The following KLHDC2 variants were observed in gnomAD, a reference collection of about 807,000 sequenced individuals.
KLHDC2 encodes the protein kelch domain containing 2.
KLHDC2 carries 38 observed loss-of-function variants against 62.3 expected under a neutral mutation model. That is an observed-to-expected ratio of 0.61 (90% CI 0.47 to 0.80). The LOEUF (loss-of-function observed/expected upper bound fraction) is 0.80, where lower values mean the gene tolerates loss of function less well. Ranked by LOEUF, KLHDC2 falls within the 30% of genes least tolerant of loss-of-function variation. The pLI, the probability that KLHDC2 is intolerant of heterozygous loss-of-function variation, is 0.00. For missense variants in KLHDC2, 430 were observed against 495.3 expected, an observed-to-expected ratio of 0.87 and a Z score of 1.25; for synonymous variants, 159 against 161.0, an observed-to-expected ratio of 0.99 and a Z score of 0.09.
intron 3 of KLHDC2, chr14:49,774,953 C>A: frequency 5.5e-6 from 2 of 362,778 alleles, no homozygotes; most frequent in Non-Finnish European, 9.9e-6. Context: ...CTCTTAGAAC[C>A]TTAAATGTTA....
chr14:49,770,947 A>G (rs1246439704), intron 1 of KLHDC2, among the ~76,000 whole-genome samples: 21 of 152,232 alleles, frequency 1.4e-4, no homozygotes, highest in Admixed American at 1.4e-3. Context: ...TGGATCAGGC[A>G]CTTTCAGTAA....
At position 49,785,575 on chromosome 14, in the gene KLHDC2, T is replaced by TAC. The variant is rs148985928; in HGVS notation, c.*2624_*2625dup. On this transcript the variant is annotated 3_prime_UTR_variant, in exon 13 of 13. Coordinates refer to ENST00000298307, the MANE Select transcript of KLHDC2 (RefSeq NM_014315.3). Reference sequence around the variant, plus strand: ...GAACAATAATTTTCAAAATCCTACCTACAGTTACATTTAAGAGAAAGAAGG... The same window carrying TAC: ...GAACAATAATTTTCAAAATCCTACCTACACAGTTACATTTAAGAGAAAGAAGG... 1,780 of 381,536 alleles carry TAC rather than the reference T, an allele frequency of 4.7e-3. 29 individuals are homozygous for TAC. The highest frequency in any genetic ancestry group is 0.033 in the African/African-American group (1,586 of 48,632). 23.6% of individuals were successfully genotyped at this position (381,536 alleles called of 1,614,324 possible).
chr14:49,780,816 T>TAA, intron 10 of KLHDC2, 41 bp downstream of exon 10: 2 of 1,082,910 alleles, frequency 1.8e-6, no homozygotes, highest in Admixed American at 3.4e-5. Context: ...GCATAAGACA[T>TAA]AAGAATTGAG....
At chr14:49,774,093 T>G (rs1224493802) in intron 2 of KLHDC2, among the ~76,000 whole-genome samples, 1 of 152,222 alleles carries the variant, frequency 6.6e-6, no homozygotes, top group East Asian at 1.9e-4. Context: ...ACTACCTGTT[T>G]GTAGTGTTAC....
At chr14:49,781,318 G>T (rs1889895518) in intron 10 of KLHDC2, among the ~76,000 whole-genome samples, 1 of 141,942 alleles carries the variant, frequency 7.0e-6, no homozygotes, top group Non-Finnish European at 1.5e-5. Context: ...GCAGTGAGCT[G>T]AGATCGTGCC....
rs1173634285 is a variant in KLHDC2 at position 49,785,316 on chromosome 14, T to C, written c.*2363T>C. The C allele has an allele frequency of 6.2e-7, 1 of 1,612,652 alleles. No individual in the cohort carries two copies. Among genetic ancestry groups the C allele is most frequent in the Admixed American group, 1.7e-5 (1 of 59,958 alleles). ...CTGGCCTGTCAAAGAATCAAATAGGTTTTCCTAAAAAGGGAAAATAACAGT... is the reference window on the plus strand; with the variant it reads ...CTGGCCTGTCAAAGAATCAAATAGGCTTTCCTAAAAAGGGAAAATAACAGT... On this transcript the variant is annotated 3_prime_UTR_variant, in exon 13 of 13. Coordinates refer to ENST00000298307, the MANE Select transcript of KLHDC2 (RefSeq NM_014315.3).
chr14:49,779,495 G>A, intron 6 of KLHDC2, 100 bp from the exon 7 acceptor site: 1 of 813,436 alleles, frequency 1.2e-6, no homozygotes, highest in Middle Eastern at 3.3e-4. Context: ...ACTTTTAAAA[G>A]CTCAAGTGCC....
At chr14:49,782,659 C>A (rs1031344212) in intron 12 of KLHDC2, 65 bp downstream of exon 12, 3 of 1,409,122 alleles carry the variant, frequency 2.1e-6, no homozygotes, top group Admixed American at 2.2e-5. Flanking sequence ...TTAGCACTCT[C>A]GAAAAACTAG....
chr14:49,777,167 T>C (rs1163962860), intron 3 of KLHDC2, among the ~76,000 whole-genome samples: 1 of 152,174 alleles, frequency 6.6e-6, no homozygotes, highest in East Asian at 1.9e-4. Context: ...AAACACCATA[T>C]GTTCTCACTC....
chr14:49,775,575 T>C (rs1889753355), intron 3 of KLHDC2, among the ~76,000 whole-genome samples: 1 of 146,776 alleles, frequency 6.8e-6, no homozygotes, highest in Non-Finnish European at 1.5e-5. Flanking sequence ...AATAATAAAA[T>C]TGGAAGGAGT....
intron 3 of KLHDC2, 185 bp from the exon 4 acceptor site, chr14:49,777,654 G>C: frequency 4.5e-6 from 2 of 446,064 alleles, no homozygotes; most frequent in African/African-American, 2.0e-5. Flanking sequence ...TAGTGACTTA[G>C]GAAGTTGGTA....
In KLHDC2 at chr14:49,784,807, C is replaced by G; in HGVS notation, c.*1854C>G. The G allele has an allele frequency of 7.1e-7, 1 of 1,414,270 alleles. No homozygotes were observed. Among genetic ancestry groups the G allele is most frequent in the Admixed American group, 1.8e-5 (1 of 54,668 alleles). The allele number at this position is 1,414,270 out of a possible 1,614,324, so 87.6% of individuals were successfully genotyped here. A position where few individuals can be genotyped will look rare whatever the true frequency, so the allele number is the denominator to read the frequency against. On this transcript the variant is annotated 3_prime_UTR_variant, in exon 13 of 13. Coordinates refer to ENST00000298307, the MANE Select transcript of KLHDC2 (RefSeq NM_014315.3). ...ACGAAAAACATTTCCAAACTTTTAGCTGAGATGGTTTTACTGCTTCTAATA... is the reference window on the plus strand; with the variant it reads ...ACGAAAAACATTTCCAAACTTTTAGGTGAGATGGTTTTACTGCTTCTAATA...
chr14:49,780,685 T>G lies in KLHDC2; in HGVS notation c.884-18T>G. On this transcript the variant is annotated intron_variant, in intron 9 of 12. Coordinates refer to ENST00000298307, the MANE Select transcript of KLHDC2 (RefSeq NM_014315.3). ...CATATTGACAGACTAACATACTTCA[T>G]TTCTTTGCTTGAATCAGGTGATGCC... is the stretch of plus-strand genomic sequence containing the variant. The G allele has an allele frequency of 1.3e-6, 2 of 1,546,876 alleles. No individual in the cohort carries two copies. The highest frequency in any genetic ancestry group is 4.5e-5 in the East Asian group (2 of 44,576).
In KLHDC2 at chr14:49,784,425, C is replaced by T. The variant is rs1388828633; in HGVS notation, c.*1472C>T. On this transcript the variant is annotated 3_prime_UTR_variant, in exon 13 of 13. Coordinates refer to ENST00000298307, the MANE Select transcript of KLHDC2 (RefSeq NM_014315.3). ...GTATATTAATTAGCATTTAACTGTC[C>T]ACAAATACTTTTGGAAATCCTATCA... 2 of 458,256 alleles carry T rather than the reference C, an allele frequency of 4.4e-6. No homozygotes were observed. The highest frequency in any genetic ancestry group is 7.7e-6 in the Non-Finnish European group (2 of 258,746). The allele number at this position is 458,256 out of a possible 1,614,324, so 28.4% of individuals were successfully genotyped here.
Position 49,785,789 on chromosome 14 carries a change from G to C in KLHDC2, c.*2836G>C, listed in dbSNP as rs144874075. Reference sequence around the variant, plus strand: ...AGTCCCAGCTACTCGGAAGACTGAGGGGGGGAGGATCACCTGAGCCCAGGA... The same window carrying C: ...AGTCCCAGCTACTCGGAAGACTGAGCGGGGGAGGATCACCTGAGCCCAGGA... On this transcript the variant is annotated 3_prime_UTR_variant, in exon 13 of 13. Transcript: ENST00000298307. 939 of 159,132 alleles carry C rather than the reference G, an allele frequency of 5.9e-3. 12 individuals carry two copies. The highest frequency in any genetic ancestry group is 0.022 in the African/African-American group (894 of 41,336). 9.9% of individuals were successfully genotyped at this position (159,132 alleles called of 1,614,324 possible).
rs972557204 is a variant in KLHDC2 at position 49,768,275 on chromosome 14, G to A, written c.-194G>A. The A allele has an allele frequency of 5.5e-6, 3 of 541,982 alleles. No individual in the cohort carries two copies. The highest frequency in any genetic ancestry group is 7.2e-5 in the East Asian group (2 of 27,628). 33.6% of individuals were successfully genotyped at this position (541,982 alleles called of 1,614,324 possible). A position where few individuals can be genotyped will look rare whatever the true frequency, so the allele number is the denominator to read the frequency against. On this transcript the variant is annotated 5_prime_UTR_variant, in exon 1 of 13. Coordinates refer to ENST00000298307, the MANE Select transcript of KLHDC2 (RefSeq NM_014315.3). ...CCCCTCTGTCTGCAGGCGTGCCCCG[G>A]CGGCGGCGGAGAGCCGTCCTCGGCC... is the stretch of plus-strand genomic sequence containing the variant.
chr14:49,769,369 T>C (rs1889612944), intron 1 of KLHDC2, among the ~76,000 whole-genome samples: 1 of 152,210 alleles, frequency 6.6e-6, no homozygotes, highest in Non-Finnish European at 1.5e-5. Context: ...TAGAATTTTA[T>C]TTGCTAGGAT....
intron 1 of KLHDC2, among the ~76,000 whole-genome samples, chr14:49,770,012 A>G (rs185958175): frequency 6.6e-6 from 1 of 152,320 alleles, no homozygotes; most frequent in East Asian, 1.9e-4. Flanking sequence ...TCACCCTTAT[A>G]AAAATGTAAA....
At chr14:49,773,956 T>G (rs984308471) in intron 2 of KLHDC2, among the ~76,000 whole-genome samples, 2 of 152,226 alleles carry the variant, frequency 1.3e-5, no homozygotes, top group African/African-American at 4.8e-5. Context: ...TCTGACAGTT[T>G]TAGCAGAAGA....
Sources: gnomAD v4.1 joint callset for allele counts (sites outside exome capture counted in the v4.1 genomes callset) on GRCh38, gnomAD v4.1.1 for gene constraint, MANE v1.5 for transcripts, NCBI Gene and HGNC (gene_info 2026-07-23, HGNC 2026-07-21) for gene names.